The following ANP32A variants were observed in gnomAD, a reference collection of about 807,000 sequenced individuals.
The protein encoded by ANP32A is acidic leucine-rich nuclear phosphoprotein 32 family member A.
Under a neutral mutation model 33.9 loss-of-function variants are expected in ANP32A, and 1 was observed. The ratio of observed to expected loss-of-function variants is 0.03; its 90% CI spans 0.01 to 0.14. The LOEUF (loss-of-function observed/expected upper bound fraction) is 0.14, where lower values mean the gene tolerates loss of function less well. Ranked by LOEUF, ANP32A falls within the 10% of genes least tolerant of loss-of-function variation. The pLI, the probability that ANP32A is intolerant of heterozygous loss-of-function variation, is 1.00. For missense variants in ANP32A, 155 were observed against 306.0 expected, an observed-to-expected ratio of 0.51 and a Z score of 3.68; for synonymous variants, 115 against 120.5, an observed-to-expected ratio of 0.95 and a Z score of 0.30.
At chr15:68,786,444 C>T (rs1893934957) in intron 3 of ANP32A, among the ~76,000 whole-genome samples, 1 of 151,756 alleles carries the variant, frequency 6.6e-6, no homozygotes, top group South Asian at 2.1e-4. Flanking sequence ...ATTTTTAGTA[C>T]AGATGGGGTG....
intron 1 of ANP32A, among the ~76,000 whole-genome samples, chr15:68,788,526 T>C (rs1450349261): frequency 6.6e-6 from 1 of 152,140 alleles, no homozygotes; most frequent in East Asian, 1.9e-4. Flanking sequence ...AGAACTTCCT[T>C]CAAGGACGGA....
At chr15:68,787,565 A>C in intron 2 of ANP32A, 30 bp from the exon 3 acceptor site, 1 of 1,613,876 alleles carries the variant, frequency 6.2e-7, no homozygotes, top group South Asian at 1.1e-5. Flanking sequence ...AAAAAGCAGA[A>C]ACAGCTTTTA....
intron 1 of ANP32A, among the ~76,000 whole-genome samples, chr15:68,809,845 T>C (rs905840890): frequency 5.3e-5 from 8 of 152,240 alleles, no homozygotes. Flanking sequence ...AGGCACAGTG[T>C]GGAGCTCTGA....
intron 1 of ANP32A, among the ~76,000 whole-genome samples, chr15:68,813,706 G>A (rs900196911): frequency 6.6e-6 from 1 of 152,114 alleles, no homozygotes; most frequent in African/African-American, 2.4e-5. Context: ...AGAGCTATGA[G>A]CCTCCTCTTA....
intron 1 of ANP32A, among the ~76,000 whole-genome samples, chr15:68,802,936 G>A (rs894598836): frequency 5.3e-5 from 8 of 152,166 alleles, no homozygotes; most frequent in Admixed American, 2.0e-4. Flanking sequence ...TTACAGACGT[G>A]AGCCATTGTG....
intron 1 of ANP32A, among the ~76,000 whole-genome samples, chr15:68,818,945 G>A (rs537742436): frequency 2.0e-5 from 3 of 151,866 alleles, no homozygotes; most frequent in Admixed American, 1.3e-4. Context: ...GGCCTCCACC[G>A]GCGGCGCCCC....
At chr15:68,818,729 G>T (rs944669895) in intron 1 of ANP32A, among the ~76,000 whole-genome samples, 1 of 151,254 alleles carries the variant, frequency 6.6e-6, no homozygotes, top group African/African-American at 2.4e-5. Context: ...CCGCGCCCCC[G>T]CACCCACCCG....
At chr15:68,781,848 C>T (rs1355516202) in intron 5 of ANP32A, among the ~76,000 whole-genome samples, 3 of 152,194 alleles carry the variant, frequency 2.0e-5, no homozygotes, top group Non-Finnish European at 2.9e-5. Flanking sequence ...AAGTGATCCG[C>T]CCGCCTCGGC....
intron 4 of ANP32A, among the ~76,000 whole-genome samples, chr15:68,783,414 C>A (rs1893894547): frequency 6.6e-6 from 1 of 152,048 alleles, no homozygotes; most frequent in South Asian, 2.1e-4. Context: ...AGATCTGAGG[C>A]ACAGAGAGAA....
intron 4 of ANP32A, 57 bp from the exon 5 acceptor site, chr15:68,783,110 C>G: frequency 6.5e-7 from 1 of 1,547,778 alleles, no homozygotes; most frequent in Non-Finnish European, 8.7e-7. Flanking sequence ...GCTCCGCCCC[C>G]CACACAGCAC....
At chr15:68,813,212 G>T (rs913420956) in intron 1 of ANP32A, among the ~76,000 whole-genome samples, 2 of 152,244 alleles carry the variant, frequency 1.3e-5, no homozygotes, top group African/African-American at 4.8e-5. Context: ...AAAGCACTGG[G>T]TTGCAGGGTG....
intron 1 of ANP32A, among the ~76,000 whole-genome samples, chr15:68,807,438 G>GT (rs58853123): frequency 6.8e-6 from 1 of 146,370 alleles, no homozygotes; most frequent in Non-Finnish European, 1.5e-5. Flanking sequence ...GGGGGGGGGG[G>GT]AGTCTCTCCT....
chr15:68,809,473 TTTTAA>T (rs1183671196), intron 1 of ANP32A, among the ~76,000 whole-genome samples: 1 of 152,230 alleles, frequency 6.6e-6, no homozygotes, highest in Non-Finnish European at 1.5e-5. Context: ...AATGTATCCT[TTTTAA>T]TTTATATTTT....
intron 1 of ANP32A, among the ~76,000 whole-genome samples, chr15:68,804,674 C>T (rs1371333397): frequency 6.6e-6 from 1 of 152,106 alleles, no homozygotes. Flanking sequence ...CACCACCACG[C>T]CCAATTAATT....
chr15:68,796,149 T>C (rs1020976086), intron 1 of ANP32A, among the ~76,000 whole-genome samples: 10 of 152,204 alleles, frequency 6.6e-5, no homozygotes, highest in African/African-American at 2.4e-4. Flanking sequence ...TGGCGTGATC[T>C]CGGCTCACTG....
chr15:68,784,775 A>G (rs563875584), intron 3 of ANP32A, among the ~76,000 whole-genome samples, 180 bp from the exon 4 acceptor site: 4 of 152,272 alleles, frequency 2.6e-5, no homozygotes, highest in Non-Finnish European at 2.9e-5. Context: ...TATCACCTGC[A>G]GTTTGTGGGC....
intron 1 of ANP32A, among the ~76,000 whole-genome samples, chr15:68,792,679 C>T (rs2140363124): frequency 6.6e-6 from 1 of 152,276 alleles, no homozygotes; most frequent in African/African-American, 2.4e-5. Context: ...TCACTTCAAG[C>T]CTGCTTTTGC....
chr15:68,792,186 G>A (rs901737442), intron 1 of ANP32A: 2 of 151,652 alleles, frequency 1.3e-5, no homozygotes, highest in African/African-American at 2.4e-5. Context: ...TGAGTGAAGC[G>A]CAAAGTTAAA....
At chr15:68,817,805 G>A (rs933572617) in intron 1 of ANP32A, 2 of 152,344 alleles carry the variant, frequency 1.3e-5, no homozygotes, top group South Asian at 4.1e-4. Context: ...TAGCACAACT[G>A]GGGGTCCCCA....
Sources: allele counts gnomAD v4.1 joint callset (sites outside exome capture counted in the v4.1 genomes callset), GRCh38; gene constraint gnomAD v4.1.1; transcripts MANE v1.5; gene names NCBI Gene and HGNC (gene_info 2026-07-23, HGNC 2026-07-21).